NPAS2: variants seen among roughly 807,000 people sequenced by gnomAD.
The protein encoded by NPAS2 is neuronal PAS domain protein 2.
Under a neutral mutation model 107.5 loss-of-function variants are expected in NPAS2, and 23 were observed. That is an observed-to-expected ratio of 0.21 (90% CI 0.15 to 0.30). The LOEUF (loss-of-function observed/expected upper bound fraction) is 0.30. Ranked by LOEUF, NPAS2 falls within the 10% of genes least tolerant of loss-of-function variation. NPAS2 has a pLI of 1.00. For synonymous variants in NPAS2, 403 were observed against 417.5 expected, an observed-to-expected ratio of 0.97 and a Z score of 0.42; for missense variants, 756 against 1,043.3, an observed-to-expected ratio of 0.72 and a Z score of 3.79.
chr2:100,843,564 T>A (rs903095718), intron 1 of NPAS2, among the ~76,000 whole-genome samples: 3 of 152,186 alleles, frequency 2.0e-5, no homozygotes, highest in African/African-American at 7.2e-5. Context: ...TGAGATAGTT[T>A]GTCCTATATA....
At chr2:100,985,593 C>G (rs1211045608) in intron 16 of NPAS2, 1 of 152,226 alleles carries the variant, frequency 6.6e-6, no homozygotes, top group African/African-American at 2.4e-5. Flanking sequence ...TCCATTCATT[C>G]ATTTATCAAA....
At chr2:100,827,382 T>C (rs901004240) in intron 1 of NPAS2, among the ~76,000 whole-genome samples, 9 of 152,248 alleles carry the variant, frequency 5.9e-5, no homozygotes, top group African/African-American at 2.2e-4. Flanking sequence ...TGTATTCTTT[T>C]AATTTTTTCG....
chr2:100,872,879 C>G (rs1335717326), intron 1 of NPAS2, among the ~76,000 whole-genome samples: 1 of 152,162 alleles, frequency 6.6e-6, no homozygotes. Context: ...ATCCTGAGAT[C>G]CTATTTGTCT....
At chr2:100,964,981 C>A in intron 9 of NPAS2, 38 bp downstream of exon 9, 1 of 1,403,490 alleles carries the variant, frequency 7.1e-7, no homozygotes. Flanking sequence ...TTGGGCCCTT[C>A]TCAAGTCTTG....
intron 13 of NPAS2, chr2:100,975,186 T>G (rs1245963256): frequency 3.5e-6 from 2 of 576,870 alleles, no homozygotes; most frequent in Non-Finnish European, 6.1e-6. Context: ...ATCTGATCCC[T>G]TGACTGCTTT....
chr2:100,859,684 G>T (rs1183795991), intron 1 of NPAS2, among the ~76,000 whole-genome samples: 1 of 152,150 alleles, frequency 6.6e-6, no homozygotes, highest in African/African-American at 2.4e-5. Flanking sequence ...TCCTTGAGGG[G>T]TGGTTAGAGG....
intron 4 of NPAS2, among the ~76,000 whole-genome samples, chr2:100,936,243 G>A (rs961908387): frequency 1.3e-5 from 2 of 152,256 alleles, no homozygotes; most frequent in South Asian, 2.1e-4. Context: ...CCGGGTTCCC[G>A]CTGCCATGCA....
At chr2:100,987,811 C>T (rs995960597) in intron 16 of NPAS2, 11 of 503,950 alleles carry the variant, frequency 2.2e-5, no homozygotes, top group Non-Finnish European at 3.6e-5. Flanking sequence ...TGGGTCTAAA[C>T]AGCTTTCACA....
chr2:100,949,947 A>C (rs992161271), intron 7 of NPAS2, among the ~76,000 whole-genome samples: 1 of 152,192 alleles, frequency 6.6e-6, no homozygotes, highest in Non-Finnish European at 1.5e-5. Context: ...CAAAGGGGTC[A>C]TTTTACAATG....
chr2:100,942,072 T>A (rs1674607952), intron 5 of NPAS2, among the ~76,000 whole-genome samples: 1 of 152,084 alleles, frequency 6.6e-6, no homozygotes, highest in East Asian at 1.9e-4. Flanking sequence ...ATGTGAGAAC[T>A]ATGTGCATGG....
intron 2 of NPAS2, among the ~76,000 whole-genome samples, chr2:100,914,334 A>G (rs1682737759): frequency 6.6e-6 from 1 of 152,180 alleles, no homozygotes; most frequent in Non-Finnish European, 1.5e-5. Context: ...CTGCAAGTAC[A>G]ACCCTCCTCT....
intron 5 of NPAS2, among the ~76,000 whole-genome samples, chr2:100,942,325 C>T (rs1175527646): frequency 2.0e-5 from 3 of 152,136 alleles, no homozygotes; most frequent in Non-Finnish European, 4.4e-5. Flanking sequence ...AGCAGCAAGG[C>T]CAAAGCCATG....
At chr2:100,821,071 C>A in intron 1 of NPAS2, 2 of 1,304,248 alleles carry the variant, frequency 1.5e-6, no homozygotes, top group South Asian at 1.2e-5. Flanking sequence ...CTTTCCCAGC[C>A]GAGGAGGGAC....
chr2:100,974,856 T>C lies in NPAS2; in HGVS notation c.1194T>C (p.Gly398=), dbSNP rs761854568. The C allele has an allele frequency of 6.2e-7, 1 of 1,614,132 alleles. No homozygotes were observed. Among genetic ancestry groups the C allele is most frequent in the Admixed American group, 1.7e-5 (1 of 60,016 alleles). The change falls in exon 13 of 21, where the codon GGT becomes GGC. Residue 398 remains glycine (G), a synonymous_variant. Coordinates refer to ENST00000335681, the MANE Select transcript of NPAS2 (RefSeq NM_002518.4). ...AGCACTTTAACACACTCGACGTGGG[T>C]GCCTCGGGCCTTAATACCAGTCATT... ...PRQHFNTLDV[G]ASGLNTSHSP... is the part of the protein sequence containing the mutation.
intron 10 of NPAS2, among the ~76,000 whole-genome samples, chr2:100,967,488 A>T (rs1476971427): frequency 6.6e-6 from 1 of 151,810 alleles, no homozygotes; most frequent in East Asian, 1.9e-4. Flanking sequence ...AGCCTCCCAA[A>T]GTGCTGGGAT....
At chr2:100,870,650 C>T (rs1274527230) in intron 1 of NPAS2, among the ~76,000 whole-genome samples, 1 of 152,186 alleles carries the variant, frequency 6.6e-6, no homozygotes, top group Non-Finnish European at 1.5e-5. Context: ...CCTTGGCCTC[C>T]CAAAGTACTG....
At chr2:100,960,969 G>A (rs1675883354) in intron 7 of NPAS2, among the ~76,000 whole-genome samples, 1 of 152,166 alleles carries the variant, frequency 6.6e-6, no homozygotes, top group Non-Finnish European at 1.5e-5. Context: ...CAAGAGTAAG[G>A]TCAATTTTGA....
chr2:100,839,071 T>C (rs1677239187), intron 1 of NPAS2, among the ~76,000 whole-genome samples: 1 of 152,136 alleles, frequency 6.6e-6, no homozygotes, highest in Non-Finnish European at 1.5e-5. Flanking sequence ...TTTCCTCCTC[T>C]TCCTCCTTCT....
intron 1 of NPAS2, among the ~76,000 whole-genome samples, chr2:100,851,782 G>C (rs1678190302): frequency 1.3e-5 from 2 of 152,190 alleles, no homozygotes; most frequent in Non-Finnish European, 2.9e-5. Context: ...GTGGTTGTCT[G>C]GGGTCATGAG....
Sources: allele counts gnomAD v4.1 joint callset (sites outside exome capture counted in the v4.1 genomes callset), GRCh38; gene constraint gnomAD v4.1.1; transcripts MANE v1.5; gene names NCBI Gene and HGNC (gene_info 2026-07-23, HGNC 2026-07-21).